ARHGAP22: variants seen among roughly 807,000 people sequenced by gnomAD.
The protein encoded by ARHGAP22 is Rho GTPase activating protein 22.
In ARHGAP22, 48 loss-of-function variants were observed where a neutral mutation model predicts 59.1. That is an observed-to-expected ratio of 0.81 (90% CI 0.64 to 1.03). The LOEUF (loss-of-function observed/expected upper bound fraction) is 1.03, where lower values mean the gene tolerates loss of function less well. Among genes scored for constraint, ARHGAP22 ranks in the 50% least tolerant of loss-of-function variants. ARHGAP22 has a pLI of 0.00. For missense variants in ARHGAP22, 1,015 were observed against 958.7 expected (o/e 1.06, Z -0.78); for synonymous variants, 445 against 416.4 (o/e 1.07, Z -0.84).
At chr10:48,457,806 C>T (rs903726789) in intron 5 of ARHGAP22, among the ~76,000 whole-genome samples, 12 of 151,914 alleles carry the variant, frequency 7.9e-5, no homozygotes, top group African/African-American at 2.2e-4. Flanking sequence ...GGGCTTCCTG[C>T]GGAAGGGGCC....
intron 3 of ARHGAP22, among the ~76,000 whole-genome samples, chr10:48,538,148 C>T (rs925990387): frequency 6.6e-6 from 1 of 152,158 alleles, no homozygotes; most frequent in South Asian, 2.1e-4. Context: ...AGGGAGGAAT[C>T]CTTCCTTGCC....
chr10:48,614,051 C>T (rs903750887), intron 1 of ARHGAP22, among the ~76,000 whole-genome samples: 1 of 152,062 alleles, frequency 6.6e-6, no homozygotes, highest in Non-Finnish European at 1.5e-5. Flanking sequence ...TCTTGGGCTT[C>T]CCATCCTCCA....
At chr10:48,546,183 G>A (rs893704573) in intron 3 of ARHGAP22, among the ~76,000 whole-genome samples, 1 of 152,136 alleles carries the variant, frequency 6.6e-6, no homozygotes, top group Non-Finnish European at 1.5e-5. Flanking sequence ...AGGGGTCCCC[G>A]CTACTCCTGT....
At chr10:48,463,256 C>T (rs949489725) in intron 4 of ARHGAP22, among the ~76,000 whole-genome samples, 2 of 152,238 alleles carry the variant, frequency 1.3e-5, no homozygotes, top group Non-Finnish European at 2.9e-5. Flanking sequence ...ATGCTCCTCT[C>T]ATGTGGTCTT....
chr10:48,539,290 C>CTTTTTTTTT lies in ARHGAP22; in HGVS notation c.322+16172_322+16173insAAAAAAAAA, dbSNP rs553835954. On this transcript the variant is annotated intron_variant, in intron 3 of 9. Coordinates refer to ENST00000249601, the MANE Select transcript of ARHGAP22 (RefSeq NM_021226.4). Reference sequence around the variant, plus strand: ...CTAACAATTAGTATGAGAAGGGTAACATTTTTTTTTTTTTTTTTTGAGACG... The same window carrying CTTTTTTTTT: ...CTAACAATTAGTATGAGAAGGGTAACTTTTTTTTTATTTTTTTTTTTTTTTTTTGAGACG... Among the ~76,000 whole-genome samples, 481 of 129,150 alleles carry CTTTTTTTTT rather than the reference C, an allele frequency of 3.7e-3. 29 individuals are homozygous for CTTTTTTTTT. Among genetic ancestry groups the CTTTTTTTTT allele is most frequent in the East Asian group, 0.014 (44 of 3,212 alleles). 84.7% of individuals were successfully genotyped at this position (129,150 alleles called of 152,430 possible).
intron 3 of ARHGAP22, among the ~76,000 whole-genome samples, chr10:48,498,388 C>CA (rs1197497537): frequency 6.6e-6 from 1 of 152,140 alleles, no homozygotes; most frequent in Non-Finnish European, 1.5e-5. Flanking sequence ...TCAGAGCCTC[C>CA]AGGTGCTCCA....
chr10:48,446,484 C>A lies in ARHGAP22; in HGVS notation c.2004G>T (p.Arg668Ser). The change falls in exon 10 of 10, where the codon AGG (arginine) becomes AGT (serine). Residue 668 changes from arginine to serine, a missense_variant. Transcript: ENST00000249601. Reference sequence around the variant, plus strand: ...TTTCCCTCTGCAACAGCTGGTTCCTCCTCTCCGCATCCTCCCGCGCCCGTT... The same window carrying A: ...TTTCCCTCTGCAACAGCTGGTTCCTACTCTCCGCATCCTCCCGCGCCCGTT... Reference protein sequence around the residue: ...NSERAREDAERRNQLLQREME... With the variant: ...NSERAREDAESRNQLLQREME... 1 of 1,614,240 alleles carries A rather than the reference C, an allele frequency of 6.2e-7. No individual in the cohort carries two copies. Among genetic ancestry groups the A allele is most frequent in the Middle Eastern group, 1.6e-4 (1 of 6,062 alleles).
chr10:48,519,196 A>T (rs773275303), intron 3 of ARHGAP22, among the ~76,000 whole-genome samples: 34 of 152,110 alleles, frequency 2.2e-4, no homozygotes, highest in Non-Finnish European at 4.4e-4. Context: ...CGGTCCTATC[A>T]CCCAGTCAGT....
At chr10:48,525,760 G>A (rs2054270051) in intron 3 of ARHGAP22, among the ~76,000 whole-genome samples, 1 of 152,162 alleles carries the variant, frequency 6.6e-6, no homozygotes, top group Non-Finnish European at 1.5e-5. Context: ...TCTGTTCTAG[G>A]CCCTTGGGCT....
chr10:48,530,768 AAT>A (rs1478342524), intron 3 of ARHGAP22, among the ~76,000 whole-genome samples: 1 of 152,216 alleles, frequency 6.6e-6, no homozygotes. Context: ...ATAAAAATAA[AAT>A]AGATGTTGGC....
At chr10:48,650,905 G>C (rs1266859295) in intron 1 of ARHGAP22, among the ~76,000 whole-genome samples, 1 of 152,202 alleles carries the variant, frequency 6.6e-6, no homozygotes, top group Admixed American at 6.5e-5. Context: ...AGTGTGAGAA[G>C]TGTCTGCAGC....
chr10:48,603,730 G>C (rs2135911980), intron 1 of ARHGAP22, among the ~76,000 whole-genome samples: 1 of 152,326 alleles, frequency 6.6e-6, no homozygotes, highest in Middle Eastern at 3.4e-3. Flanking sequence ...CCATGCGAAA[G>C]CACCCCACAG....
chr10:48,570,563 A>G lies in ARHGAP22; in HGVS notation c.234+12390T>C, dbSNP rs189189163. Among the ~76,000 whole-genome samples, 19 of 152,330 alleles carry G rather than the reference A, an allele frequency of 1.2e-4. No individual in the cohort carries two copies. In the East Asian group the frequency reaches 3.5e-3, roughly 28 times the overall value. On this transcript the variant is annotated intron_variant, in intron 2 of 9. Transcript: ENST00000249601. ...CTCAGGTTTGTTTTTTTCTGAGTGT[A>G]GACAGACTGACTGAAATTTGCTGTG...
At chr10:48,493,655 T>C (rs2050638033) in intron 3 of ARHGAP22, 5 of 1,409,418 alleles carry the variant, frequency 3.5e-6, no homozygotes, top group Non-Finnish European at 4.6e-6. Flanking sequence ...CTTTTGTCTC[T>C]CCTGGGGAAC....
chr10:48,496,417 C>T (rs1394638707), intron 3 of ARHGAP22, among the ~76,000 whole-genome samples: 1 of 152,202 alleles, frequency 6.6e-6, no homozygotes, highest in East Asian at 1.9e-4. Flanking sequence ...ATTTTATCCT[C>T]TCCATAGCTT....
intron 1 of ARHGAP22, among the ~76,000 whole-genome samples, chr10:48,611,682 C>A (rs2060889889): frequency 6.6e-6 from 1 of 151,920 alleles, no homozygotes; most frequent in Non-Finnish European, 1.5e-5. Context: ...TTCCCAGGTG[C>A]CTTCTCTCAT....
At chr10:48,482,076 A>G (rs1042023049) in intron 3 of ARHGAP22, among the ~76,000 whole-genome samples, 9 of 152,144 alleles carry the variant, frequency 5.9e-5, no homozygotes, top group Admixed American at 2.6e-4. Context: ...TCATTCTATT[A>G]ACAGTGTATT....
chr10:48,593,524 A>C (rs924336488), intron 1 of ARHGAP22, among the ~76,000 whole-genome samples: 4 of 152,228 alleles, frequency 2.6e-5, no homozygotes, highest in Non-Finnish European at 4.4e-5. Context: ...TTATTAAGTA[A>C]AGTAAGGGTT....
chr10:48,612,898 T>C (rs2060948240), intron 1 of ARHGAP22, among the ~76,000 whole-genome samples: 1 of 152,212 alleles, frequency 6.6e-6, no homozygotes, highest in Non-Finnish European at 1.5e-5. Flanking sequence ...CCAGTTATAC[T>C]GTCAGCCTCA....
Sources: allele counts gnomAD v4.1 joint callset (sites outside exome capture counted in the v4.1 genomes callset), GRCh38; gene constraint gnomAD v4.1.1; transcripts MANE v1.5; gene names NCBI Gene and HGNC (gene_info 2026-07-23, HGNC 2026-07-21).